SCAPER: variants seen among roughly 807,000 people sequenced by gnomAD.
SCAPER encodes S-phase cyclin A associated protein in the ER.
SCAPER carries 98 observed loss-of-function variants against 182.2 expected under a neutral mutation model. The ratio of observed to expected loss-of-function variants is 0.54; its 90% CI spans 0.46 to 0.64. The LOEUF (loss-of-function observed/expected upper bound fraction) is 0.64, where lower values mean the gene tolerates loss of function less well. Ranked by LOEUF, SCAPER falls within the 30% of genes least tolerant of loss-of-function variation. SCAPER has a pLI of 0.00. For synonymous variants in SCAPER, 605 were observed against 564.6 expected, an observed-to-expected ratio of 1.07 and a Z score of -1.01; for missense variants, 1,432 against 1,690.0, an observed-to-expected ratio of 0.85 and a Z score of 2.68.
intron 27 of SCAPER, among the ~76,000 whole-genome samples, chr15:76,402,539 C>T (rs2044538621): frequency 6.6e-6 from 1 of 152,074 alleles, no homozygotes; most frequent in Non-Finnish European, 1.5e-5. Context: ...AAGTGCTTTA[C>T]TTCCTTTTCT....
At chr15:76,625,693 C>T (rs2052508560) in intron 21 of SCAPER, among the ~76,000 whole-genome samples, 1 of 152,126 alleles carries the variant, frequency 6.6e-6, no homozygotes, top group African/African-American at 2.4e-5. Flanking sequence ...CTCTCTGGAA[C>T]AATACCTTTA....
At chr15:76,403,969 G>A (rs1384341985) in intron 27 of SCAPER, among the ~76,000 whole-genome samples, 2 of 152,184 alleles carry the variant, frequency 1.3e-5, no homozygotes, top group Non-Finnish European at 2.9e-5. Context: ...AACCAGGCCA[G>A]TAGTAGTCCC....
At chr15:76,754,974 C>T (rs2062328621) in intron 14 of SCAPER, among the ~76,000 whole-genome samples, 1 of 152,182 alleles carries the variant, frequency 6.6e-6, no homozygotes, top group South Asian at 2.1e-4. Context: ...ATCCATCATA[C>T]AAATGGAAGA....
intron 24 of SCAPER, among the ~76,000 whole-genome samples, chr15:76,473,284 C>T (rs1037781479): frequency 6.6e-6 from 1 of 152,162 alleles, no homozygotes; most frequent in African/African-American, 2.4e-5. Context: ...TTGTTGTACA[C>T]CGTTAACGAT....
intron 2 of SCAPER, among the ~76,000 whole-genome samples, chr15:76,872,888 G>A (rs1266292231): frequency 1.3e-5 from 2 of 151,838 alleles, no homozygotes; most frequent in African/African-American, 4.8e-5. Context: ...CAATTAAAGT[G>A]GATAAGGCCT....
intron 15 of SCAPER, among the ~76,000 whole-genome samples, chr15:76,744,109 C>A (rs548420096): frequency 9.2e-5 from 14 of 152,272 alleles, no homozygotes; most frequent in Admixed American, 9.2e-4. Flanking sequence ...AAACTAGACC[C>A]TTACTTTTAA....
At chr15:76,899,815 C>T (rs1388794312) in intron 1 of SCAPER, among the ~76,000 whole-genome samples, 2 of 152,188 alleles carry the variant, frequency 1.3e-5, no homozygotes, top group African/African-American at 2.4e-5. Flanking sequence ...CCGGCCGCCC[C>T]GTCTGGGAAG....
rs540126042 is a variant in SCAPER, at chr15:76,514,130, C to T, written c.2839-9156G>A. Among the ~76,000 whole-genome samples the T allele has an allele frequency of 9.2e-5, 14 of 152,210 alleles. No individual in the cohort carries two copies. The South Asian group carries it at 2.9e-3, about 32-fold the overall frequency. On this transcript the variant is annotated intron_variant, in intron 23 of 31. Transcript: ENST00000563290. ...ATATCTCATTCTAGAAAGGTGAATT[C>T]CCGTTTACCCCTTTTCTAATTCTCT...
chr15:76,565,129 A>C (rs1349668562), intron 23 of SCAPER, among the ~76,000 whole-genome samples: 1 of 152,170 alleles, frequency 6.6e-6, no homozygotes, highest in East Asian at 1.9e-4. Flanking sequence ...AAGACACCGA[A>C]AGCAATTGCA....
intron 27 of SCAPER, 119 bp downstream of exon 27, chr15:76,404,405 C>T: frequency 9.8e-7 from 1 of 1,020,244 alleles, no homozygotes. Context: ...GGGGAAAGAA[C>T]AAAGAGGAAA....
intron 7 of SCAPER, among the ~76,000 whole-genome samples, chr15:76,798,379 A>T (rs974938164): frequency 7.3e-5 from 11 of 151,650 alleles, no homozygotes; most frequent in Non-Finnish European, 1.0e-4. Context: ...AAAAAAGAAA[A>T]GAAAAAGAAA....
At chr15:76,872,568 T>G (rs1454091893) in intron 2 of SCAPER, among the ~76,000 whole-genome samples, 3 of 149,426 alleles carry the variant, frequency 2.0e-5, no homozygotes, top group African/African-American at 7.5e-5. Context: ...TAAAAGAAAA[T>G]TACTGTTTTC....
intron 17 of SCAPER, among the ~76,000 whole-genome samples, chr15:76,720,508 A>T (rs928611643): frequency 4.6e-5 from 7 of 152,180 alleles, no homozygotes; most frequent in African/African-American, 1.7e-4. Context: ...CACCACACTG[A>T]CTTCCACAAT....
chr15:76,552,752 C>T (rs535217559), intron 23 of SCAPER, among the ~76,000 whole-genome samples: 1 of 152,274 alleles, frequency 6.6e-6, no homozygotes, highest in South Asian at 2.1e-4. Context: ...GCCCCCACCC[C>T]CAGCCAGGAA....
At chr15:76,644,715 C>G (rs1320924343) in intron 21 of SCAPER, among the ~76,000 whole-genome samples, 1 of 152,054 alleles carries the variant, frequency 6.6e-6, no homozygotes, top group Non-Finnish European at 1.5e-5. Flanking sequence ...GAGCACAGTC[C>G]TACTTTAAAA....
intron 23 of SCAPER, among the ~76,000 whole-genome samples, chr15:76,543,677 A>G (rs892258728): frequency 2.0e-5 from 3 of 152,142 alleles, no homozygotes; most frequent in Admixed American, 1.3e-4. Flanking sequence ...GGAGGAACCT[A>G]TATCATATGC....
intron 26 of SCAPER, among the ~76,000 whole-genome samples, chr15:76,429,759 C>T (rs1028712981): frequency 2.6e-5 from 4 of 152,006 alleles, no homozygotes; most frequent in Non-Finnish European, 5.9e-5. Flanking sequence ...CCTGACTACG[C>T]GATAGAAAAG....
rs542850433 is a variant in SCAPER at position 76,673,682 on chromosome 15, A to G, written c.2509-7893T>C. On this transcript the variant is annotated intron_variant, in intron 20 of 31. Coordinates refer to ENST00000563290, the MANE Select transcript of SCAPER (RefSeq NM_020843.4). The stretch of plus-strand genomic sequence containing the variant: ...AATGATCAACCCAGTAGCAATGAGC[A>G]TCTCTGATTATGGTCTTGAAATATC... 3.1e-3 allele frequency among the ~76,000 whole-genome samples: 467 copies of G among 152,234 alleles called. 4 individuals carry two copies. Among genetic ancestry groups the G allele is most frequent in the African/African-American group, 0.011 (450 of 41,556 alleles).
chr15:76,794,354 T>A (rs1265967021), intron 8 of SCAPER, among the ~76,000 whole-genome samples: 1 of 152,232 alleles, frequency 6.6e-6, no homozygotes, highest in African/African-American at 2.4e-5. Context: ...TCTCTTAGAA[T>A]CTTTCAAGAT....
Sources: allele counts gnomAD v4.1 joint callset (sites outside exome capture counted in the v4.1 genomes callset), GRCh38; gene constraint gnomAD v4.1.1; transcripts MANE v1.5; gene names NCBI Gene and HGNC (gene_info 2026-07-23, HGNC 2026-07-21).